Variants in GRM8 observed in about 807,000 individuals in gnomAD.
GRM8 encodes the protein metabotropic glutamate receptor 8.
A neutral mutation model predicts 87.2 loss-of-function variants in GRM8; 47 were observed. The observed-to-expected ratio is 0.54, with a 90% CI of 0.43 to 0.69. GRM8 has a LOEUF of 0.69. Among genes scored for constraint, GRM8 ranks in the 30% least tolerant of loss-of-function variants. The probability of loss-of-function intolerance (pLI) is 0.00; values close to 1 mark genes in which losing one functional copy is unlikely to be tolerated. For missense variants in GRM8, 1,019 were observed against 1,139.2 expected (o/e 0.89, Z 1.52); for synonymous variants, 396 against 404.5 (o/e 0.98, Z 0.25).
intron 3 of GRM8, among the ~76,000 whole-genome samples, chr7:126,909,372 G>A (rs1248656753): frequency 6.6e-6 from 1 of 152,050 alleles, no homozygotes; most frequent in East Asian, 1.9e-4. Context: ...AAGAGACTCT[G>A]TCTTGATTTA....
chr7:126,690,723 G>A (rs1361421765), intron 7 of GRM8, among the ~76,000 whole-genome samples: 1 of 152,210 alleles, frequency 6.6e-6, no homozygotes, highest in East Asian at 1.9e-4. Context: ...AGTGAAGGGT[G>A]AGCAAGGCAA....
intron 3 of GRM8, chr7:127,076,151 T>C: frequency 2.2e-6 from 1 of 456,554 alleles, no homozygotes; most frequent in South Asian, 1.5e-5. Context: ...ACAGCTGCAT[T>C]AGAAGCAGAA....
chr7:127,053,801 G>GGT (rs1424726100), intron 3 of GRM8, among the ~76,000 whole-genome samples: 2 of 136,714 alleles, frequency 1.5e-5, no homozygotes, highest in Non-Finnish European at 3.2e-5. Flanking sequence ...AAAAAAAAGG[G>GGT]GGGGGGGAAT....
chr7:126,461,091 C>G (rs139128105), intron 9 of GRM8, among the ~76,000 whole-genome samples: 1 of 151,510 alleles, frequency 6.6e-6, no homozygotes, highest in East Asian at 2.0e-4. Context: ...TGCCCCCACC[C>G]AGATCAACTG....
At chr7:126,847,301 TAATG>T (rs1796787098) in intron 6 of GRM8, among the ~76,000 whole-genome samples, 1 of 152,204 alleles carries the variant, frequency 6.6e-6, no homozygotes, top group South Asian at 2.1e-4. Flanking sequence ...CTTGAGTACA[TAATG>T]AACCTCCTAG....
At chr7:127,046,903 A>C (rs952163669) in intron 3 of GRM8, among the ~76,000 whole-genome samples, 8 of 152,002 alleles carry the variant, frequency 5.3e-5, no homozygotes, top group Non-Finnish European at 1.0e-4. Flanking sequence ...TTTACTATTT[A>C]TGTTTGCTGT....
chr7:127,146,477 T>C (rs992733065), intron 2 of GRM8, among the ~76,000 whole-genome samples: 4 of 151,790 alleles, frequency 2.6e-5, no homozygotes, highest in African/African-American at 4.8e-5. Flanking sequence ...CTCCAGGAGA[T>C]AGAGGAACAG....
chr7:126,978,947 C>A (rs1811269579), intron 3 of GRM8, among the ~76,000 whole-genome samples: 1 of 152,142 alleles, frequency 6.6e-6, no homozygotes, highest in East Asian at 1.9e-4. Context: ...GCTATACTGG[C>A]CGACTTTGGG....
At chr7:127,200,301 C>A (rs962190247) in intron 2 of GRM8, among the ~76,000 whole-genome samples, 4 of 152,054 alleles carry the variant, frequency 2.6e-5, no homozygotes, top group Non-Finnish European at 5.9e-5. Flanking sequence ...CAAAGAAAAA[C>A]CAATATTTTG....
intron 8 of GRM8, among the ~76,000 whole-genome samples, chr7:126,551,313 C>T (rs1792557806): frequency 2.0e-5 from 3 of 152,080 alleles, no homozygotes; most frequent in South Asian, 4.1e-4. Context: ...TGAAGCCCTC[C>T]TTACTTGAGA....
At chr7:126,471,267 T>C (rs923965018) in intron 9 of GRM8, among the ~76,000 whole-genome samples, 8 of 152,206 alleles carry the variant, frequency 5.3e-5, no homozygotes, top group Non-Finnish European at 1.2e-4. Flanking sequence ...TCCTTGCCCA[T>C]GCCTATGTCC....
At chr7:126,483,041 C>CAT (rs905364859) in intron 9 of GRM8, among the ~76,000 whole-genome samples, 20 of 148,780 alleles carry the variant, frequency 1.3e-4, no homozygotes, top group African/African-American at 2.9e-4. Flanking sequence ...ATTTTAGTTA[C>CAT]ATATATATAT....
At chr7:127,216,358 A>T (rs1054359678) in intron 2 of GRM8, among the ~76,000 whole-genome samples, 4 of 151,958 alleles carry the variant, frequency 2.6e-5, no homozygotes, top group African/African-American at 9.7e-5. Flanking sequence ...CTCTACGAAA[A>T]ATACAAAAAA....
chr7:126,926,676 G>T (rs1805162196), intron 3 of GRM8, among the ~76,000 whole-genome samples: 1 of 152,144 alleles, frequency 6.6e-6, no homozygotes, highest in Admixed American at 6.5e-5. Context: ...TCATAATTTA[G>T]CTCAGACTTC....
At chr7:127,142,257 C>T (rs1176820323) in intron 2 of GRM8, among the ~76,000 whole-genome samples, 1 of 152,034 alleles carries the variant, frequency 6.6e-6, no homozygotes, top group East Asian at 1.9e-4. Context: ...GGATTACAAG[C>T]GTAAGCCACC....
intron 7 of GRM8, among the ~76,000 whole-genome samples, chr7:126,753,425 TATATATACACACAC>T (rs1209668838): frequency 1.3e-5 from 2 of 151,808 alleles, no homozygotes; most frequent in Non-Finnish European, 1.5e-5. Context: ...CGTATATACG[TATATATACACACAC>T]ATATATACAC....
At chr7:126,922,791 G>A (rs1804670448) in intron 3 of GRM8, among the ~76,000 whole-genome samples, 1 of 152,028 alleles carries the variant, frequency 6.6e-6, no homozygotes, top group Non-Finnish European at 1.5e-5. Flanking sequence ...CCTTGCTACT[G>A]TACAGTGAGT....
At chr7:126,921,065 A>G (rs1375845988) in intron 3 of GRM8, among the ~76,000 whole-genome samples, 1 of 152,170 alleles carries the variant, frequency 6.6e-6, no homozygotes, top group African/African-American at 2.4e-5. Context: ...ATTTGAGAGG[A>G]GCCTTTACCG....
chr7:126,675,938 G>A (rs919390086), intron 7 of GRM8, among the ~76,000 whole-genome samples: 22 of 152,100 alleles, frequency 1.4e-4, no homozygotes, highest in Admixed American at 1.0e-3. Context: ...TAGGAAAAGA[G>A]GAACTCAAAC....
Sources: gnomAD v4.1 joint callset for allele counts (sites outside exome capture counted in the v4.1 genomes callset) on GRCh38, gnomAD v4.1.1 for gene constraint, MANE v1.5 for transcripts, NCBI Gene and HGNC (gene_info 2026-07-23, HGNC 2026-07-21) for gene names.